The following GPRC5A variants were observed in gnomAD, a reference collection of about 807,000 sequenced individuals.
GPRC5A encodes the protein G protein-coupled receptor class C group 5 member A.
A neutral mutation model predicts 22.5 loss-of-function variants in GPRC5A; 19 were observed. That is an observed-to-expected ratio of 0.85 (90% confidence interval 0.59 to 1.24). The LOEUF (loss-of-function observed/expected upper bound fraction) is 1.24. Ranked by LOEUF, GPRC5A falls within the 50% of genes most tolerant of loss-of-function variation. The pLI, the probability that GPRC5A is intolerant of heterozygous loss-of-function variation, is 0.00. For synonymous variants in GPRC5A, 192 were observed against 184.5 expected, an observed-to-expected ratio of 1.04 and a Z score of -0.33; for missense variants, 471 against 451.1, an observed-to-expected ratio of 1.04 and a Z score of -0.40.
intron 1 of GPRC5A, among the ~76,000 whole-genome samples, chr12:12,902,795 C>T (rs1003310130): frequency 6.6e-6 from 1 of 150,462 alleles, no homozygotes; most frequent in Non-Finnish European, 1.5e-5. Context: ...GGGCTGGGCA[C>T]GGTGGCTCAC....
intron 1 of GPRC5A, among the ~76,000 whole-genome samples, chr12:12,893,161 A>T (rs1465797866): frequency 6.6e-6 from 1 of 152,206 alleles, no homozygotes; most frequent in Non-Finnish European, 1.5e-5. Context: ...TGGAACTGTG[A>T]TCAGGCAAGG....
At chr12:12,895,701 G>A (rs902461512) in intron 1 of GPRC5A, among the ~76,000 whole-genome samples, 23 of 151,150 alleles carry the variant, frequency 1.5e-4, no homozygotes, top group African/African-American at 3.4e-4. Flanking sequence ...GTAGAGGGCC[G>A]GCGCGGTGGC....
chr12:12,917,791 C>T lies in GPRC5A; in HGVS notation c.*5252C>T, dbSNP rs951823512. On this transcript the variant is annotated 3_prime_UTR_variant, in exon 4 of 4. Coordinates refer to ENST00000014914, the MANE Select transcript of GPRC5A (RefSeq NM_003979.4). ...GCAAAGCGTTCTGTCTTCATTTTCC[C>T]CATCCCCATGAGACAAGACTGATGG... 1.3e-5 allele frequency: 2 copies of T among 152,172 alleles called. No homozygotes were observed. Among genetic ancestry groups the T allele is most frequent in the Non-Finnish European group, 2.9e-5 (2 of 68,034 alleles). 9.4% of individuals were successfully genotyped at this position (152,172 alleles called of 1,614,324 possible).
At chr12:12,906,928 G>T (rs568409356) in intron 1 of GPRC5A, among the ~76,000 whole-genome samples, 1 of 151,892 alleles carries the variant, frequency 6.6e-6, no homozygotes, top group East Asian at 1.9e-4. Flanking sequence ...ATGTTGGCGC[G>T]TGCCTGTAAT....
intron 1 of GPRC5A, among the ~76,000 whole-genome samples, chr12:12,901,488 C>A (rs995525163): frequency 1.3e-5 from 2 of 152,086 alleles, no homozygotes; most frequent in Non-Finnish European, 2.9e-5. Context: ...ACGAGCAGCC[C>A]GTCCTCCTCC....
intron 1 of GPRC5A, among the ~76,000 whole-genome samples, chr12:12,902,346 G>T (rs920337001): frequency 3.4e-5 from 5 of 145,820 alleles, no homozygotes; most frequent in African/African-American, 7.5e-5. Flanking sequence ...GACTAAGATG[G>T]TTTTTTTTTT....
At chr12:12,901,880 C>T (rs989787930) in intron 1 of GPRC5A, among the ~76,000 whole-genome samples, 1 of 152,118 alleles carries the variant, frequency 6.6e-6, no homozygotes, top group African/African-American at 2.4e-5. Flanking sequence ...CTAGATCTCC[C>T]GTCCTTTGAC....
rs1289049607 is a variant in GPRC5A, at chr12:12,914,659, A to G, written c.*2120A>G. 3 of 147,780 alleles carry G rather than the reference A, an allele frequency of 2.0e-5. No individual in the cohort carries two copies. The highest frequency in any genetic ancestry group is 7.6e-5 in the African/African-American group (3 of 39,652). 9.2% of individuals were successfully genotyped at this position (147,780 alleles called of 1,614,324 possible). The stretch of plus-strand genomic sequence containing the variant: ...GAGATAGAGTCTCACTCTGTCATCC[A>G]GGCTGGAGTGCAGTGGCATGATCTC... On this transcript the variant is annotated 3_prime_UTR_variant, in exon 4 of 4. Coordinates refer to ENST00000014914, the MANE Select transcript of GPRC5A (RefSeq NM_003979.4).
intron 1 of GPRC5A, among the ~76,000 whole-genome samples, chr12:12,899,295 T>C (rs564673351): frequency 6.6e-6 from 1 of 152,292 alleles, no homozygotes; most frequent in Admixed American, 6.5e-5. Flanking sequence ...TCTCTCGGCC[T>C]CTCAAAGTAC....
At chr12:12,898,984 A>G (rs187306406) in intron 1 of GPRC5A, among the ~76,000 whole-genome samples, 1 of 152,070 alleles carries the variant, frequency 6.6e-6, no homozygotes, top group African/African-American at 2.4e-5. Flanking sequence ...TGTCAGTGTG[A>G]TTATTATTCA....
rs373736787 is a variant in GPRC5A at position 12,915,893 on chromosome 12, C to T, written c.*3354C>T. 1 of 526,410 alleles carries T rather than the reference C, an allele frequency of 1.9e-6. No homozygotes were observed. The highest frequency in any genetic ancestry group is 3.9e-6 in the Non-Finnish European group (1 of 255,388). 32.6% of individuals were successfully genotyped at this position (526,410 alleles called of 1,614,324 possible). A position where few individuals can be genotyped will look rare whatever the true frequency, so the allele number is the denominator to read the frequency against. ...GCCAGCCCTGCACTGAACGCCTGTT[C>T]TTGCCAGGTGGCAGAAGGTTGCTGC... is the stretch of plus-strand genomic sequence containing the variant. On this transcript the variant is annotated 3_prime_UTR_variant, in exon 4 of 4. Coordinates refer to ENST00000014914, the MANE Select transcript of GPRC5A (RefSeq NM_003979.4).
intron 1 of GPRC5A, among the ~76,000 whole-genome samples, chr12:12,907,971 TGTTA>T: frequency 6.6e-6 from 1 of 152,144 alleles, no homozygotes; most frequent in African/African-American, 2.4e-5. Context: ...CTCTTCAGAG[TGTTA>T]GGTTCTCTGG....
At chr12:12,896,649 A>G (rs1334877446) in intron 1 of GPRC5A, among the ~76,000 whole-genome samples, 1 of 152,196 alleles carries the variant, frequency 6.6e-6, no homozygotes, top group Non-Finnish European at 1.5e-5. Context: ...TCTTAGTCCA[A>G]AGCATTTGCT....
chr12:12,891,750 A>G (rs775138785), intron 1 of GPRC5A, 86 bp downstream of exon 1: 6 of 152,106 alleles, frequency 3.9e-5, no homozygotes, highest in Non-Finnish European at 8.8e-5. Context: ...GGGGTGGGAT[A>G]GAAGAGGAGA....
At chr12:12,901,495 C>T (rs1267350398) in intron 1 of GPRC5A, among the ~76,000 whole-genome samples, 1 of 152,142 alleles carries the variant, frequency 6.6e-6, no homozygotes, top group Admixed American at 6.6e-5. Flanking sequence ...GCCCGTCCTC[C>T]TCCTGACTCC....
chr12:12,900,914 C>CAAAAAACA (rs1863879600), intron 1 of GPRC5A, among the ~76,000 whole-genome samples: 1 of 89,748 alleles, frequency 1.1e-5, no homozygotes. Context: ...AAAAAAAAAA[C>CAAAAAACA]AAAAAAAAAA....
intron 1 of GPRC5A, among the ~76,000 whole-genome samples, chr12:12,899,951 G>A (rs1026865641): frequency 6.6e-6 from 1 of 152,154 alleles, no homozygotes; most frequent in African/African-American, 2.4e-5. Context: ...ATAAGCATGG[G>A]CAAACTTCCA....
At chr12:12,896,163 C>T (rs1026386097) in intron 1 of GPRC5A, among the ~76,000 whole-genome samples, 8 of 151,952 alleles carry the variant, frequency 5.3e-5, no homozygotes, top group African/African-American at 1.9e-4. Flanking sequence ...ATTTTATATT[C>T]ACATTAATCA....
At chr12:12,908,172 G>T in intron 1 of GPRC5A, 71 bp from the exon 2 acceptor site, 1 of 1,062,374 alleles carries the variant, frequency 9.4e-7, no homozygotes. Context: ...TCCTTTTTTA[G>T]TCTTCTGTGT....
Sources: gnomAD v4.1 joint callset for allele counts (sites outside exome capture counted in the v4.1 genomes callset) on GRCh38, gnomAD v4.1.1 for gene constraint, MANE v1.5 for transcripts, NCBI Gene and HGNC (gene_info 2026-07-23, HGNC 2026-07-21) for gene names.